Variants in DSCAML1 observed in about 807,000 individuals in gnomAD.
DSCAML1 encodes DS cell adhesion molecule like 1, also known as cell adhesion molecule DSCAML1.
DSCAML1 carries 38 observed loss-of-function variants against 200.5 expected under a neutral mutation model. The observed-to-expected ratio is 0.19, with a 90% CI of 0.15 to 0.25. DSCAML1 has a LOEUF of 0.25. Among genes scored for constraint, DSCAML1 ranks in the 10% least tolerant of loss-of-function variants. The pLI is 1.00. For synonymous variants in DSCAML1, 1,215 were observed against 1,165.0 expected, an observed-to-expected ratio of 1.04 and a Z score of -0.87; for missense variants, 2,223 against 2,858.8, an observed-to-expected ratio of 0.78 and a Z score of 5.07.
At chr11:117,678,487 A>G (rs1027006014) in intron 3 of DSCAML1, among the ~76,000 whole-genome samples, 2 of 152,216 alleles carry the variant, frequency 1.3e-5, no homozygotes, top group Non-Finnish European at 2.9e-5. Flanking sequence ...ACAAGAAAAT[A>G]CCTTGTAGGT....
upstream of DSCAML1, among the ~76,000 whole-genome samples, chr11:117,797,451 T>C (rs1233834293): frequency 6.6e-6 from 1 of 152,230 alleles, no homozygotes; most frequent in African/African-American, 2.4e-5. Context: ...CCCACCGGCT[T>C]GGAGCCTGTG....
At chr11:117,456,686 T>TTC (rs2048376613) in intron 19 of DSCAML1, among the ~76,000 whole-genome samples, 1 of 150,888 alleles carries the variant, frequency 6.6e-6, no homozygotes, top group Non-Finnish European at 1.5e-5. Flanking sequence ...TTTTTTTTTT[T>TTC]CTTTTTGAGA....
Position 117,505,411 on chromosome 11 carries a change from A to G in DSCAML1, c.2062+43T>C. Reference sequence around the variant, plus strand: ...TAGAGACTGCAGTAGCAGCAGGCAGAATGGGCTCCTCCCTCCCCTGAGGCT... The same window carrying G: ...TAGAGACTGCAGTAGCAGCAGGCAGGATGGGCTCCTCCCTCCCCTGAGGCT... On this transcript the variant is annotated intron_variant, in intron 9 of 32. Coordinates refer to ENST00000651296, the MANE Select transcript of DSCAML1 (RefSeq NM_020693.4). This position sits in a 1 kb window ranked among gnomAD's most constrained non-coding sequence, Gnocchi z 6.7. 6.3e-7 allele frequency: 1 copy of G among 1,589,976 alleles called. No individual in the cohort carries two copies. Among genetic ancestry groups the G allele is most frequent in the Non-Finnish European group, 8.5e-7 (1 of 1,170,920 alleles).
In DSCAML1 at chr11:117,597,250, C is replaced by A. The variant is rs80173711; in HGVS notation, c.512-64728G>T. Reference sequence around the variant, plus strand: ...GGGAGCACTCGAGAGCCACTTTAATCACTAAGACAGGAACTGGTGGCATTT... The same window carrying A: ...GGGAGCACTCGAGAGCCACTTTAATAACTAAGACAGGAACTGGTGGCATTT... On this transcript the variant is annotated intron_variant, in intron 3 of 32. Coordinates refer to ENST00000651296, the MANE Select transcript of DSCAML1 (RefSeq NM_020693.4). Among the ~76,000 whole-genome samples the A allele has an allele frequency of 6.1e-3, 929 of 152,278 alleles. 9 individuals are homozygous for A. Among genetic ancestry groups the A allele is most frequent in the African/African-American group, 0.02 (839 of 41,548 alleles).
At chr11:117,681,344 C>T (rs2053309119) in intron 3 of DSCAML1, among the ~76,000 whole-genome samples, 1 of 152,192 alleles carries the variant, frequency 6.6e-6, no homozygotes, top group Non-Finnish European at 1.5e-5. Context: ...AAAAAATCTG[C>T]ATTTTAACAA....
rs920849245 is a variant in DSCAML1, at chr11:117,482,060, C to A, written c.2462G>T (p.Arg821Leu). The change falls in exon 12 of 33, where the codon CGC becomes CTC. Residue 821 changes from arginine to leucine, a missense_variant. Arg to Leu is a moderately radical substitution (Grantham distance 102). Coordinates refer to ENST00000651296, the MANE Select transcript of DSCAML1 (RefSeq NM_020693.4). Reference protein sequence around the residue: ...TARGERPIIIRWEKGDTVIDP... With the variant: ...TARGERPIIILWEKGDTVIDP... ...GATGACTGTGTCCCCCTTCTCCCAGCGGATGATGATGGGCCGCTCACCCCG... is the reference window on the plus strand; with the variant it reads ...GATGACTGTGTCCCCCTTCTCCCAGAGGATGATGATGGGCCGCTCACCCCG... The A allele has an allele frequency of 6.2e-7, 1 of 1,614,174 alleles. No homozygotes were observed. The highest frequency in any genetic ancestry group is 8.5e-7 in the Non-Finnish European group (1 of 1,180,004).
chr11:117,697,726 A>G (rs980288565), intron 3 of DSCAML1, among the ~76,000 whole-genome samples: 1 of 151,496 alleles, frequency 6.6e-6, no homozygotes. Context: ...TTCACTTAGC[A>G]TAATGTCCTC....
At chr11:117,473,590 C>G (rs1309666003) in intron 14 of DSCAML1, among the ~76,000 whole-genome samples, 1 of 152,104 alleles carries the variant, frequency 6.6e-6, no homozygotes, top group African/African-American at 2.4e-5. Context: ...TCCCAGGCCT[C>G]CAATTTCTGG....
intron 3 of DSCAML1, among the ~76,000 whole-genome samples, chr11:117,770,366 A>C (rs1379776782): frequency 2.0e-5 from 3 of 152,180 alleles, no homozygotes; most frequent in African/African-American, 7.2e-5. Flanking sequence ...CAGACTCATA[A>C]GTAGTTAAGA....
At chr11:117,514,877 C>G (rs113285079) in intron 8 of DSCAML1, among the ~76,000 whole-genome samples, 1 of 152,212 alleles carries the variant, frequency 6.6e-6, no homozygotes, top group Admixed American at 6.5e-5. Context: ...CCACTGCACC[C>G]GGCCTTTCTT....
intron 8 of DSCAML1, among the ~76,000 whole-genome samples, chr11:117,514,914 C>A (rs1414280417): frequency 6.6e-6 from 1 of 152,226 alleles, no homozygotes; most frequent in South Asian, 2.1e-4. Flanking sequence ...CACTTTCTGC[C>A]CCGAAAACTG....
chr11:117,453,229 C>A (rs1592600465), intron 19 of DSCAML1, among the ~76,000 whole-genome samples: 1 of 152,234 alleles, frequency 6.6e-6, no homozygotes, highest in Non-Finnish European at 1.5e-5. Context: ...GCCACCATGT[C>A]CAACCCCATT....
intron 3 of DSCAML1, among the ~76,000 whole-genome samples, chr11:117,637,433 C>T (rs1343095266): frequency 6.6e-6 from 1 of 151,472 alleles, no homozygotes; most frequent in African/African-American, 2.4e-5. Context: ...GCAACCTCAG[C>T]CTCCTGGGTT....
intron 3 of DSCAML1, among the ~76,000 whole-genome samples, chr11:117,712,084 C>T (rs1179157586): frequency 6.6e-6 from 1 of 152,046 alleles, no homozygotes. Context: ...TATATAATGC[C>T]GTACATTTTT....
chr11:117,601,067 C>G (rs970649188), intron 3 of DSCAML1, among the ~76,000 whole-genome samples: 1 of 152,168 alleles, frequency 6.6e-6, no homozygotes, highest in Non-Finnish European at 1.5e-5. Context: ...ACCATTTTGC[C>G]GTACACCCAC....
At chr11:117,458,230 C>T (rs939252513) in intron 19 of DSCAML1, among the ~76,000 whole-genome samples, 15 of 152,174 alleles carry the variant, frequency 9.9e-5, no homozygotes, top group African/African-American at 3.6e-4. Flanking sequence ...CTCTGGCTTT[C>T]CTCCAGTTCT....
In DSCAML1 at chr11:117,458,875, C is replaced by T. The variant is rs765815718; in HGVS notation, c.3447G>A (p.Arg1149=). ...WGEMQNITTT[R]ERVELRGMEK... ...CCATGCCCCGCAGCTCCACCCGCTC[C>T]CGCGTGGTGGTGATGTTCTGCATCT... Residue 1149 remains arginine, a synonymous_variant, in exon 19 of 33, where the codon CGG becomes CGA. Transcript: ENST00000651296. 6.2e-7 allele frequency: 1 copy of T among 1,614,036 alleles called. No homozygotes were observed. Among genetic ancestry groups the T allele is most frequent in the South Asian group, 1.1e-5 (1 of 91,086 alleles).
intron 3 of DSCAML1, among the ~76,000 whole-genome samples, chr11:117,560,577 T>C (rs573456662): frequency 6.6e-6 from 1 of 152,296 alleles, no homozygotes; most frequent in African/African-American, 2.4e-5. Context: ...GCCAAGGCTC[T>C]CTCTGGGACC....
chr11:117,501,950 C>A (rs1483597307), intron 11 of DSCAML1, among the ~76,000 whole-genome samples: 3 of 152,118 alleles, frequency 2.0e-5, no homozygotes, highest in Admixed American at 6.5e-5. Context: ...GAAACTCCTG[C>A]CATTCCCTTG....
Sources: gnomAD v4.1 joint callset for allele counts (sites outside exome capture counted in the v4.1 genomes callset) on GRCh38, gnomAD v4.1.1 for gene constraint, Gnocchi (gnomAD v3.1) non-coding constraint, MANE v1.5 for transcripts, NCBI Gene and HGNC (gene_info 2026-07-23, HGNC 2026-07-21) for gene names.